The following ABCC4 variants were observed in gnomAD, a reference collection of about 807,000 sequenced individuals.
The protein encoded by ABCC4 is ATP-binding cassette sub-family C member 4.
Under a neutral mutation model 168.5 loss-of-function variants are expected in ABCC4, and 102 were observed. That is an observed-to-expected ratio of 0.61 (90% CI 0.52 to 0.71). The LOEUF (loss-of-function observed/expected upper bound fraction) is 0.71, where lower values mean the gene tolerates loss of function less well. Among genes scored for constraint, ABCC4 ranks in the 30% least tolerant of loss-of-function variants. The pLI, the probability that ABCC4 is intolerant of heterozygous loss-of-function variation, is 0.00. For missense variants in ABCC4, 1,402 were observed against 1,605.8 expected (o/e 0.87, Z 2.17); for synonymous variants, 617 against 590.7 (o/e 1.04, Z -0.65).
chr13:95,024,974 G>A (rs2031319076), intron 30 of ABCC4, among the ~76,000 whole-genome samples: 1 of 151,982 alleles, frequency 6.6e-6, no homozygotes, highest in African/African-American at 2.4e-5. Flanking sequence ...TCTATGAAGA[G>A]CAAGCCTCAA....
At chr13:95,163,099 T>C in intron 18 of ABCC4, 23 bp downstream of exon 18, 4 of 1,556,036 alleles carry the variant, frequency 2.6e-6, no homozygotes, top group Non-Finnish European at 3.5e-6. Context: ...TCTCATACAA[T>C]ACACCAAATG....
intron 30 of ABCC4, among the ~76,000 whole-genome samples, chr13:95,024,134 G>A (rs865890179): frequency 1.3e-5 from 2 of 150,900 alleles, no homozygotes; most frequent in African/African-American, 4.9e-5. Flanking sequence ...TTGAACCCAG[G>A]AGGCAGAGAT....
chr13:95,117,140 C>T (rs1159615709), intron 19 of ABCC4, among the ~76,000 whole-genome samples: 2 of 152,048 alleles, frequency 1.3e-5, no homozygotes, highest in Non-Finnish European at 2.9e-5. Flanking sequence ...GACACACAGA[C>T]TCCAGAAAGC....
intron 25 of ABCC4, among the ~76,000 whole-genome samples, chr13:95,064,966 TG>T (rs1036024694): frequency 6.6e-5 from 10 of 152,226 alleles, no homozygotes; most frequent in Non-Finnish European, 1.3e-4. Context: ...GCTTTACAAT[TG>T]ACCCTTTTTG....
intron 25 of ABCC4, among the ~76,000 whole-genome samples, chr13:95,070,643 T>C (rs1180065233): frequency 6.6e-6 from 1 of 152,044 alleles, no homozygotes; most frequent in African/African-American, 2.4e-5. Flanking sequence ...GCCTCCAGCT[T>C]GGGGGTCTGA....
intron 1 of ABCC4, among the ~76,000 whole-genome samples, chr13:95,280,983 G>A (rs553340986): frequency 2.4e-4 from 36 of 152,166 alleles, no homozygotes; most frequent in Non-Finnish European, 4.6e-4. Flanking sequence ...AGAGGATTTT[G>A]AGTTGCTAAG....
intron 20 of ABCC4, among the ~76,000 whole-genome samples, chr13:95,090,073 T>C (rs2034382382): frequency 6.6e-6 from 1 of 152,106 alleles, no homozygotes; most frequent in Non-Finnish European, 1.5e-5. Context: ...AGTGGACTGC[T>C]ACTGCAGGAC....
At chr13:95,196,594 A>G (rs1048811667) in intron 8 of ABCC4, among the ~76,000 whole-genome samples, 25 of 7,390 alleles carry the variant, frequency 3.4e-3, no homozygotes, top group African/African-American at 0.014. Flanking sequence ...GGAAGGAAGG[A>G]AGGAAGGAAG....
At chr13:95,086,793 A>G (rs1328163028) in intron 20 of ABCC4, among the ~76,000 whole-genome samples, 2 of 152,142 alleles carry the variant, frequency 1.3e-5, no homozygotes, top group African/African-American at 4.8e-5. Context: ...TCAACCTTCT[A>G]TTAGGTACAA....
Position 95,062,875 on chromosome 13 carries a change from G to A in ABCC4, c.3211-16C>T. On this transcript the variant is annotated splice_polypyrimidine_tract_variant and intron_variant, in intron 25 of 30. Coordinates refer to ENST00000645237, the MANE Select transcript of ABCC4 (RefSeq NM_005845.5). ...CAATGCCAACCTACAGAGAGATCCAGGCGGCAGGATTAAAAAAAAAAAGAA... is the reference window on the plus strand; with the variant it reads ...CAATGCCAACCTACAGAGAGATCCAAGCGGCAGGATTAAAAAAAAAAAGAA... 1.3e-6 allele frequency: 2 copies of A among 1,528,096 alleles called. No individual in the cohort carries two copies. Among genetic ancestry groups the A allele is most frequent in the Non-Finnish European group, 8.7e-7 (1 of 1,148,902 alleles). The allele number at this position is 1,528,096 out of a possible 1,614,324, so 94.7% of individuals were successfully genotyped here.
At chr13:95,179,907 G>A (rs369316889) in intron 11 of ABCC4, among the ~76,000 whole-genome samples, 103 of 152,158 alleles carry the variant, frequency 6.8e-4, no homozygotes, top group Non-Finnish European at 1.2e-3. Flanking sequence ...ATAGAATGCC[G>A]GAACAATCTA....
chr13:95,235,094 T>C lies in ABCC4; in HGVS notation c.307-260A>G, dbSNP rs190220113. Among the ~76,000 whole-genome samples the C allele has an allele frequency of 1.6e-3, 236 of 151,884 alleles. 1 individual carries two copies. Among genetic ancestry groups the C allele is most frequent in the African/African-American group, 5.5e-3 (228 of 41,446 alleles). On this transcript the variant is annotated intron_variant, in intron 3 of 30. Coordinates refer to ENST00000645237, the MANE Select transcript of ABCC4 (RefSeq NM_005845.5). The stretch of plus-strand genomic sequence containing the variant: ...TTGGTCAAGACAGGGTCTCACTATG[T>C]TGCCCAGGCTGGTCCCGAACTCCTA...
chr13:95,194,054 G>A (rs2038340374), intron 9 of ABCC4, among the ~76,000 whole-genome samples: 1 of 152,164 alleles, frequency 6.6e-6, no homozygotes. Context: ...TATGAGCACT[G>A]GGCAGGGAGC....
chr13:95,101,557 G>A (rs1254144094), intron 20 of ABCC4, among the ~76,000 whole-genome samples: 7 of 152,060 alleles, frequency 4.6e-5, no homozygotes, highest in African/African-American at 9.7e-5. Flanking sequence ...TTTTTTTCTA[G>A]TAGGAAGACT....
At chr13:95,060,183 C>T (rs1467797065) in intron 26 of ABCC4, among the ~76,000 whole-genome samples, 1 of 152,170 alleles carries the variant, frequency 6.6e-6, no homozygotes, top group Non-Finnish European at 1.5e-5. Context: ...TCTCTGTTTA[C>T]AATGCTTGGA....
intron 20 of ABCC4, among the ~76,000 whole-genome samples, chr13:95,100,185 A>T (rs2034747079): frequency 6.6e-6 from 1 of 152,226 alleles, no homozygotes; most frequent in Non-Finnish European, 1.5e-5. Context: ...TTGTTTTGCA[A>T]TGGACATCAT....
chr13:95,028,007 C>T (rs1287464600), intron 30 of ABCC4, among the ~76,000 whole-genome samples: 1 of 152,098 alleles, frequency 6.6e-6, no homozygotes, highest in Non-Finnish European at 1.5e-5. Flanking sequence ...AAGCACGCGA[C>T]CCAGTCTAGT....
chr13:95,244,613 G>GAA (rs1169329331), intron 3 of ABCC4, among the ~76,000 whole-genome samples: 704 of 56,784 alleles, frequency 0.012, 108 homozygotes, highest in African/African-American at 0.06. Flanking sequence ...AAGAAAGAAA[G>GAA]AAAGAAAGAA....
chr13:95,114,771 A>G (rs1018652838), intron 20 of ABCC4, among the ~76,000 whole-genome samples: 1 of 152,188 alleles, frequency 6.6e-6, no homozygotes, highest in South Asian at 2.1e-4. Flanking sequence ...TTTTTCTTAC[A>G]TAGCTAATTT....
Sources: gnomAD v4.1 joint callset for allele counts (sites outside exome capture counted in the v4.1 genomes callset) on GRCh38, gnomAD v4.1.1 for gene constraint, MANE v1.5 for transcripts, NCBI Gene and HGNC (gene_info 2026-07-23, HGNC 2026-07-21) for gene names.